MPPED1: variants seen among roughly 807,000 people sequenced by gnomAD.
MPPED1 encodes the protein metallophosphoesterase domain-containing protein 1.
Under a neutral mutation model 36.2 loss-of-function variants are expected in MPPED1, and 16 were observed. The ratio of observed to expected loss-of-function variants is 0.44; its 90% confidence interval spans 0.30 to 0.67. MPPED1 has a LOEUF of 0.67. MPPED1 is among the 30% of genes least tolerant of loss of function. The probability of loss-of-function intolerance (pLI) is 0.10; values close to 1 mark genes in which losing one functional copy is unlikely to be tolerated. For synonymous variants in MPPED1, 199 were observed against 191.3 expected (o/e 1.04, Z -0.33); for missense variants, 307 against 453.4 (o/e 0.68, Z 2.93).
At chr22:43,453,964 CT>C (rs2146857420) in intron 3 of MPPED1, among the ~76,000 whole-genome samples, 1 of 152,260 alleles carries the variant, frequency 6.6e-6, no homozygotes, top group South Asian at 2.1e-4. Context: ...TCCCCAGCCC[CT>C]GGCATCCACC....
At chr22:43,483,787 C>T (rs944907970) in intron 4 of MPPED1, among the ~76,000 whole-genome samples, 11 of 152,144 alleles carry the variant, frequency 7.2e-5, no homozygotes, top group Non-Finnish European at 1.5e-4. Context: ...CCCTGGGAGG[C>T]ATTGTGTCTG....
intron 6 of MPPED1, among the ~76,000 whole-genome samples, chr22:43,505,222 G>A (rs933876713): frequency 2.6e-5 from 4 of 152,094 alleles, no homozygotes; most frequent in Admixed American, 1.3e-4. Flanking sequence ...AGATGATGTC[G>A]ATGATGATGA....
intron 1 of MPPED1, among the ~76,000 whole-genome samples, chr22:43,422,307 C>T (rs1335004442): frequency 6.6e-6 from 1 of 152,212 alleles, no homozygotes; most frequent in Non-Finnish European, 1.5e-5. Flanking sequence ...CAATATCTGT[C>T]TCTTAGTGGT....
intron 2 of MPPED1, among the ~76,000 whole-genome samples, chr22:43,427,078 C>G (rs541035584): frequency 1.5e-4 from 23 of 152,276 alleles, no homozygotes; most frequent in African/African-American, 4.6e-4. Flanking sequence ...GAACTCCTGC[C>G]CAGTGGGCAA....
chr22:43,420,262 A>G lies in MPPED1; in HGVS notation c.-78-4646A>G, dbSNP rs111403701. 9.8e-5 allele frequency among the ~76,000 whole-genome samples: 15 copies of G among 152,304 alleles called. 2 individuals are homozygous for G. The highest frequency in any genetic ancestry group is 3.6e-4 in the African/African-American group (15 of 41,574). On this transcript the variant is annotated intron_variant, in intron 1 of 6. Coordinates refer to ENST00000443721, the MANE Select transcript of MPPED1 (RefSeq NM_001044370.2). ...CTGTCCTCCATGGCAGAAGCATGCCAGTGACCCATGACAACGAAAGAGTGA... is the reference window on the plus strand; with the variant it reads ...CTGTCCTCCATGGCAGAAGCATGCCGGTGACCCATGACAACGAAAGAGTGA...
At chr22:43,437,899 G>A (rs894187266) in intron 3 of MPPED1, among the ~76,000 whole-genome samples, 6 of 152,202 alleles carry the variant, frequency 3.9e-5, no homozygotes, top group African/African-American at 1.4e-4. Context: ...GGCAGGGAAG[G>A]CAGTGGAACA....
chr22:43,483,329 C>T (rs1931808436), intron 4 of MPPED1, among the ~76,000 whole-genome samples: 1 of 152,274 alleles, frequency 6.6e-6, no homozygotes, highest in Non-Finnish European at 1.5e-5. Flanking sequence ...GCCCCCACTC[C>T]CCCAGCTGTC....
At chr22:43,471,856 C>T (rs373891925) in intron 3 of MPPED1, among the ~76,000 whole-genome samples, 5 of 152,180 alleles carry the variant, frequency 3.3e-5, no homozygotes, top group Non-Finnish European at 5.9e-5. Context: ...GAGTTCCCAG[C>T]GTCCATCAGG....
chr22:43,447,874 TA>T (rs1569073340), intron 3 of MPPED1, among the ~76,000 whole-genome samples: 5 of 32,296 alleles, frequency 1.5e-4, no homozygotes, highest in African/African-American at 2.9e-4. Flanking sequence ...TATATATATA[TA>T]TATATATATT....
At chr22:43,428,496 A>G (rs1929560035) in intron 2 of MPPED1, among the ~76,000 whole-genome samples, 1 of 152,166 alleles carries the variant, frequency 6.6e-6, no homozygotes, top group Admixed American at 6.5e-5. Flanking sequence ...TGGTGGCTGA[A>G]TGGATTTCCA....
intron 2 of MPPED1, among the ~76,000 whole-genome samples, chr22:43,433,994 T>C (rs942162395): frequency 6.6e-6 from 1 of 152,128 alleles, no homozygotes; most frequent in African/African-American, 2.4e-5. Context: ...GATGGAGAGC[T>C]GGGGTCTTAG....
intron 3 of MPPED1, among the ~76,000 whole-genome samples, chr22:43,454,686 G>T (rs1930692077): frequency 6.6e-6 from 1 of 152,118 alleles, no homozygotes; most frequent in African/African-American, 2.4e-5. Context: ...GAATAGCTGG[G>T]ACTACTGGTG....
chr22:43,495,531 TGGTGGAGATGGTGGTGGTGGA>T (rs1932266707), intron 4 of MPPED1, among the ~76,000 whole-genome samples: 1 of 49,454 alleles, frequency 2.0e-5, no homozygotes, highest in Non-Finnish European at 3.7e-5. Flanking sequence ...GAGGTGGTGG[TGGTGGAGATGGTGGTGGTGGA>T]GATGGTGGTG....
intron 3 of MPPED1, among the ~76,000 whole-genome samples, chr22:43,462,847 A>C (rs1931001676): frequency 1.3e-5 from 2 of 152,116 alleles, no homozygotes; most frequent in African/African-American, 4.8e-5. Context: ...TCTGTCTTGT[A>C]ACCCCTGGTT....
chr22:43,416,550 T>G (rs553591910), intron 1 of MPPED1: 2 of 152,336 alleles, frequency 1.3e-5, no homozygotes, highest in African/African-American at 4.8e-5. Flanking sequence ...GAGTGTGACT[T>G]GATATATAAG....
At chr22:43,471,150 T>A (rs760744731) in intron 3 of MPPED1, among the ~76,000 whole-genome samples, 1 of 152,226 alleles carries the variant, frequency 6.6e-6, no homozygotes, top group Non-Finnish European at 1.5e-5. Flanking sequence ...TAAATGAAAC[T>A]GTACAGTTGG....
chr22:43,487,427 A>G (rs1931947346), intron 4 of MPPED1, among the ~76,000 whole-genome samples: 1 of 152,178 alleles, frequency 6.6e-6, no homozygotes, highest in African/African-American at 2.4e-5. Flanking sequence ...GAACAGAATG[A>G]CCTGGAAGGT....
chr22:43,503,717 T>C (rs1250783734), intron 6 of MPPED1, among the ~76,000 whole-genome samples: 3 of 152,130 alleles, frequency 2.0e-5, no homozygotes, highest in East Asian at 3.9e-4. Flanking sequence ...CTGGGAGAGA[T>C]GGGCAGCTCA....
At chr22:43,418,200 G>A (rs973564857) in intron 1 of MPPED1, 1 of 455,704 alleles carries the variant, frequency 2.2e-6, no homozygotes, top group Admixed American at 2.4e-5. Context: ...GAGCACTTTC[G>A]AGAGCCGGAG....
Sources: gnomAD v4.1 joint callset for allele counts (sites outside exome capture counted in the v4.1 genomes callset) on GRCh38, gnomAD v4.1.1 for gene constraint, MANE v1.5 for transcripts, NCBI Gene and HGNC (gene_info 2026-07-23, HGNC 2026-07-21) for gene names.